Variants in MYO9B observed in about 807,000 individuals in gnomAD.
The protein encoded by MYO9B is myosin IXB, also known as unconventional myosin-IXb.
A neutral mutation model predicts 229.5 loss-of-function variants in MYO9B; 71 were observed. The ratio of observed to expected loss-of-function variants is 0.31; its 90% CI spans 0.26 to 0.38. MYO9B has a LOEUF of 0.38. MYO9B is among the 10% of genes least tolerant of loss of function. The pLI is 1.00. For synonymous variants in MYO9B, 1,185 were observed against 1,235.8 expected, an observed-to-expected ratio of 0.96 and a Z score of 0.86; for missense variants, 2,255 against 2,920.5, an observed-to-expected ratio of 0.77 and a Z score of 5.25.
chr19:17,157,632 C>A, intron 7 of MYO9B: 1 of 156,508 alleles, frequency 6.4e-6, no homozygotes. Context: ...GTAATCTCAG[C>A]TACTCGGGAG....
chr19:17,188,392 G>GCACTCCA (rs2072942743), intron 19 of MYO9B, among the ~76,000 whole-genome samples: 1 of 136,132 alleles, frequency 7.3e-6, no homozygotes, highest in Non-Finnish European at 1.5e-5. Context: ...TTGAGCCACT[G>GCACTCCA]CACTCCAGCC....
chr19:17,162,859 A>G, intron 9 of MYO9B, 129 bp from the exon 10 acceptor site: 1 of 1,046,942 alleles, frequency 9.6e-7, no homozygotes, highest in South Asian at 1.7e-5. Context: ...GGTAATGGCA[A>G]AGTGTTCTGC....
At chr19:17,155,757 G>A (rs1041797463) in intron 6 of MYO9B, among the ~76,000 whole-genome samples, 1 of 151,888 alleles carries the variant, frequency 6.6e-6, no homozygotes, top group Non-Finnish European at 1.5e-5. Context: ...AGTGGCTCAC[G>A]CCTGTAATCC....
At chr19:17,126,809 GC>G (rs2072123780) in intron 2 of MYO9B, among the ~76,000 whole-genome samples, 1 of 150,670 alleles carries the variant, frequency 6.6e-6, no homozygotes, top group African/African-American at 2.4e-5. Flanking sequence ...GACTACAGGC[GC>G]CCACCACCAT....
At chr19:17,088,480 G>A (rs933086140) in intron 1 of MYO9B, among the ~76,000 whole-genome samples, 2 of 152,126 alleles carry the variant, frequency 1.3e-5, no homozygotes, top group Admixed American at 6.6e-5. Context: ...GCTGTTTCTT[G>A]GCCCTGCTGG....
At chr19:17,202,369 A>AT (rs11392202) in intron 28 of MYO9B, 66 bp downstream of exon 28, 655,192 of 1,473,450 alleles carry the variant, frequency 0.44, 153,370 homozygotes, top group East Asian at 0.75. Context: ...CGCCATCCTT[A>AT]GCCACGCCCA....
intron 25 of MYO9B, 25 bp from the exon 26 acceptor site, chr19:17,200,614 C>A: frequency 1.9e-6 from 3 of 1,593,364 alleles, no homozygotes; most frequent in Non-Finnish European, 2.6e-6. Context: ...CCCACCCTCA[C>A]CGGCTGCTTC....
At chr19:17,163,357 A>G (rs1194432224) in intron 10 of MYO9B, among the ~76,000 whole-genome samples, 1 of 137,746 alleles carries the variant, frequency 7.3e-6, no homozygotes, top group Non-Finnish European at 1.5e-5. Context: ...CAAGCCCTGA[A>G]CTCACCCCAT....
chr19:17,147,105 C>G (rs2072420316), intron 3 of MYO9B, among the ~76,000 whole-genome samples: 1 of 152,308 alleles, frequency 6.6e-6, no homozygotes, highest in South Asian at 2.1e-4. Flanking sequence ...CAGTCAGTGG[C>G]CCCCCAACTC....
At chr19:17,209,480 C>T in intron 35 of MYO9B, 106 bp from the exon 36 acceptor site, 1 of 1,278,352 alleles carries the variant, frequency 7.8e-7, no homozygotes, top group Non-Finnish European at 1.1e-6. Context: ...TGCTTGGTCT[C>T]TGAGCCTCAA....
intron 14 of MYO9B, 46 bp from the exon 15 acceptor site, chr19:17,180,881 C>G: frequency 7.3e-7 from 1 of 1,373,088 alleles, no homozygotes; most frequent in Non-Finnish European, 1.0e-6. Flanking sequence ...CTGCTTCTAA[C>G]TCCATCTTCT....
intron 2 of MYO9B, among the ~76,000 whole-genome samples, chr19:17,134,471 A>G (rs1405583234): frequency 7.4e-6 from 1 of 136,006 alleles, no homozygotes; most frequent in African/African-American, 2.9e-5. Flanking sequence ...AGCTCAGTGC[A>G]ACCTCTGCCT....
chr19:17,110,407 G>A (rs572614729), intron 2 of MYO9B, among the ~76,000 whole-genome samples: 18 of 152,300 alleles, frequency 1.2e-4, no homozygotes, highest in Admixed American at 1.1e-3. Context: ...CAGGGGCTGT[G>A]GATAGAGCAC....
At chr19:17,207,038 A>C in intron 34 of MYO9B, 75 bp from the exon 35 acceptor site, 1 of 1,557,040 alleles carries the variant, frequency 6.4e-7, no homozygotes, top group South Asian at 1.2e-5. Context: ...CAGGGCTCAG[A>C]AGTTCAGTCT....
At position 17,180,962 on chromosome 19, in the gene MYO9B, G is replaced by A. The variant is rs766861563; in HGVS notation, c.2255G>A (p.Gly752Glu). The stretch of plus-strand genomic sequence containing the variant: ...AACCAAATGATCAAGAGCATCAAAG[G>A]ATTGCCCTGGCAGGGCGAGGACCCC... ...LHNQMIKSIK[G>E]LPWQGEDPRS... Residue 752 changes from glycine (G) to glutamate (E), a missense_variant, in exon 15 of 40, where the codon GGA becomes GAA. Transcript: ENST00000682292. 1 of 1,611,072 alleles carries A rather than the reference G, an allele frequency of 6.2e-7. No individual in the cohort carries two copies. The highest frequency in any genetic ancestry group is 1.1e-5 in the South Asian group (1 of 90,280).
intron 7 of MYO9B, among the ~76,000 whole-genome samples, 193 bp from the exon 8 acceptor site, chr19:17,159,202 A>G (rs1270560778): frequency 6.6e-6 from 1 of 150,618 alleles, no homozygotes; most frequent in Non-Finnish European, 1.5e-5. Context: ...TCAAACAAAC[A>G]AACAAACAAA....
chr19:17,141,581 G>A (rs763548178), intron 2 of MYO9B, among the ~76,000 whole-genome samples: 2 of 151,794 alleles, frequency 1.3e-5, no homozygotes, highest in Non-Finnish European at 2.9e-5. Context: ...TTTCCTAAAC[G>A]AAAGAGCCCC....
intron 18 of MYO9B, among the ~76,000 whole-genome samples, chr19:17,187,248 G>C (rs2072928509): frequency 6.6e-6 from 1 of 152,124 alleles, no homozygotes; most frequent in South Asian, 2.1e-4. Flanking sequence ...CCCTCCTCAG[G>C]ACACAGCCCA....
chr19:17,093,418 A>G (rs570370608), intron 1 of MYO9B, among the ~76,000 whole-genome samples: 9 of 152,130 alleles, frequency 5.9e-5, no homozygotes, highest in Non-Finnish European at 1.2e-4. Context: ...ACCTCTGTCC[A>G]TCTTCCTTGG....
Sources: gnomAD v4.1 joint callset for allele counts (sites outside exome capture counted in the v4.1 genomes callset) on GRCh38, gnomAD v4.1.1 for gene constraint, MANE v1.5 for transcripts, NCBI Gene and HGNC (gene_info 2026-07-23, HGNC 2026-07-21) for gene names.